The following ERC2 variants were observed in gnomAD, a reference collection of about 807,000 sequenced individuals.
ERC2 encodes ERC protein 2.
A neutral mutation model predicts 114.8 loss-of-function variants in ERC2; 42 were observed. The observed-to-expected ratio is 0.37, with a 90% confidence interval of 0.29 to 0.47. The LOEUF is 0.47. Among genes scored for constraint, ERC2 ranks in the 20% least tolerant of loss-of-function variants. The pLI is 0.99. For missense variants in ERC2, 939 were observed against 1,150.7 expected (o/e 0.82, Z 2.66); for synonymous variants, 454 against 425.5 (o/e 1.07, Z -0.82).
intron 3 of ERC2, among the ~76,000 whole-genome samples, chr3:56,257,114 A>G (rs2052573390): frequency 6.6e-6 from 1 of 152,250 alleles, no homozygotes; most frequent in Admixed American, 6.5e-5. Flanking sequence ...TGTATGTAAA[A>G]CCACTGGAAT....
intron 7 of ERC2, among the ~76,000 whole-genome samples, chr3:56,056,082 C>T (rs1427498311): frequency 6.6e-6 from 1 of 152,210 alleles, no homozygotes. Flanking sequence ...AAATTCATCT[C>T]TGGTATGTAA....
chr3:55,713,742 T>C lies in ERC2; in HGVS notation c.2713-14230A>G, dbSNP rs565937671. Among the ~76,000 whole-genome samples the C allele has an allele frequency of 8.5e-5, 13 of 152,288 alleles. No homozygotes were observed. In the South Asian group the frequency reaches 2.5e-3, roughly 29 times the overall value. On this transcript the variant is annotated intron_variant, in intron 15 of 17. Coordinates refer to ENST00000288221, the MANE Select transcript of ERC2 (RefSeq NM_015576.3). Reference sequence around the variant, plus strand: ...CCTAGCTCCTCTGGCAACCTCCCTATAGAGGTGACAGGATTCCCTAATCAA... The same window carrying C: ...CCTAGCTCCTCTGGCAACCTCCCTACAGAGGTGACAGGATTCCCTAATCAA...
Position 55,625,354 on chromosome 3 carries a change from G to A in ERC2, c.*39+58440C>T, listed in dbSNP as rs139207785. 9.3e-4 allele frequency among the ~76,000 whole-genome samples: 124 copies of A among 133,532 alleles called. 2 individuals carry two copies. The highest frequency in any genetic ancestry group is 7.9e-3 in the Admixed American group (98 of 12,350). The allele number at this position is 133,532 out of a possible 152,430, so 87.6% of individuals were successfully genotyped here. ...TGCACTCAAGTATGGGTGGCACAGTGAGACTCCGACTCAAAAAAAGAAAAA... is the reference window on the plus strand; with the variant it reads ...TGCACTCAAGTATGGGTGGCACAGTAAGACTCCGACTCAAAAAAAGAAAAA... On this transcript the variant is annotated intron_variant, in intron 17 of 17. Transcript: ENST00000288221.
intron 3 of ERC2, among the ~76,000 whole-genome samples, chr3:56,259,575 TTTG>T (rs2052769008): frequency 6.6e-6 from 1 of 152,072 alleles, no homozygotes; most frequent in Non-Finnish European, 1.5e-5. Context: ...TAGAATAAGT[TTTG>T]ATATAATATC....
chr3:56,066,152 C>T (rs1014624554), intron 7 of ERC2, among the ~76,000 whole-genome samples: 8 of 152,210 alleles, frequency 5.3e-5, no homozygotes, highest in Non-Finnish European at 1.2e-4. Context: ...AACTAATTTA[C>T]ATTCCCATCA....
At chr3:56,252,069 G>A (rs2052197470) in intron 3 of ERC2, among the ~76,000 whole-genome samples, 1 of 152,120 alleles carries the variant, frequency 6.6e-6, no homozygotes, top group African/African-American at 2.4e-5. Context: ...GAAAGCAGGA[G>A]GGAGGCTGTA....
chr3:56,367,976 G>A (rs1325437629), intron 2 of ERC2, among the ~76,000 whole-genome samples: 2 of 146,512 alleles, frequency 1.4e-5, no homozygotes, highest in African/African-American at 5.0e-5. Flanking sequence ...AGTGTAAAAG[G>A]TAGGACAAAT....
At chr3:56,393,086 C>G (rs1236532234) in intron 2 of ERC2, among the ~76,000 whole-genome samples, 2 of 152,176 alleles carry the variant, frequency 1.3e-5, no homozygotes, top group Non-Finnish European at 2.9e-5. Context: ...CTCCAGTCAT[C>G]CTTTATATCA....
chr3:55,918,079 T>C lies in ERC2; in HGVS notation c.2404-29530A>G, dbSNP rs546602020. The stretch of plus-strand genomic sequence containing the variant: ...CCTCAGAGTCCCAGTATATCTTCTA[T>C]ATCTAGATATCATATAGAGATAAGA... On this transcript the variant is annotated intron_variant, in intron 13 of 17. Transcript: ENST00000288221. Among the ~76,000 whole-genome samples, 3 of 152,190 alleles carry C rather than the reference T, an allele frequency of 2.0e-5. No homozygotes were observed. In the South Asian group the frequency reaches 6.2e-4, roughly 32 times the overall value.
intron 3 of ERC2, among the ~76,000 whole-genome samples, chr3:56,221,780 T>C (rs2049930720): frequency 6.6e-6 from 1 of 152,022 alleles, no homozygotes; most frequent in Non-Finnish European, 1.5e-5. Flanking sequence ...AGTGGGCGCC[T>C]GTAGTCCCAG....
chr3:56,119,301 T>C (rs764568001), intron 6 of ERC2, among the ~76,000 whole-genome samples: 1 of 152,218 alleles, frequency 6.6e-6, no homozygotes. Flanking sequence ...AACAGCACTT[T>C]TGCATTTCTC....
At chr3:56,262,228 G>T (rs2150265327) in intron 3 of ERC2, among the ~76,000 whole-genome samples, 1 of 152,226 alleles carries the variant, frequency 6.6e-6, no homozygotes, top group Admixed American at 6.5e-5. Flanking sequence ...GTCTCCTCCT[G>T]CTGGCCCCTG....
chr3:56,257,103 ATG>A, intron 3 of ERC2, among the ~76,000 whole-genome samples: 1 of 152,184 alleles, frequency 6.6e-6, no homozygotes, highest in Non-Finnish European at 1.5e-5. Flanking sequence ...AAATGAGATA[ATG>A]TATGTAAAAC....
chr3:55,774,959 C>T (rs1023024370), intron 14 of ERC2, among the ~76,000 whole-genome samples: 4 of 152,194 alleles, frequency 2.6e-5, no homozygotes, highest in African/African-American at 7.2e-5. Context: ...TCACTGCTTA[C>T]AACAACACTG....
intron 3 of ERC2, among the ~76,000 whole-genome samples, chr3:56,286,728 C>T (rs932706225): frequency 2.0e-5 from 3 of 151,412 alleles, no homozygotes; most frequent in Non-Finnish European, 4.4e-5. Context: ...CAAATGTAAT[C>T]ATTTAAAAAG....
chr3:55,630,713 G>A (rs1186648737), intron 17 of ERC2, among the ~76,000 whole-genome samples: 1 of 152,174 alleles, frequency 6.6e-6, no homozygotes, highest in Non-Finnish European at 1.5e-5. Context: ...AACTTGGATA[G>A]GCCCAAATTC....
chr3:56,420,043 CTT>C (rs2061327533), intron 2 of ERC2, among the ~76,000 whole-genome samples: 1 of 152,060 alleles, frequency 6.6e-6, no homozygotes, highest in Non-Finnish European at 1.5e-5. Context: ...TCCTTGGAAA[CTT>C]TTATATTATT....
intron 17 of ERC2, among the ~76,000 whole-genome samples, chr3:55,679,316 T>C (rs1382829248): frequency 3.3e-5 from 5 of 152,182 alleles, no homozygotes; most frequent in Non-Finnish European, 7.4e-5. Flanking sequence ...TTGGCATGGA[T>C]ACCTCCTGAC....
chr3:56,438,695 A>G (rs2062145058), intron 1 of ERC2, among the ~76,000 whole-genome samples: 1 of 152,186 alleles, frequency 6.6e-6, no homozygotes, highest in South Asian at 2.1e-4. Flanking sequence ...AAGTGATGAA[A>G]TCTAACTTGT....
Sources: allele counts gnomAD v4.1 joint callset (sites outside exome capture counted in the v4.1 genomes callset), GRCh38; gene constraint gnomAD v4.1.1; transcripts MANE v1.5; gene names NCBI Gene and HGNC (gene_info 2026-07-23, HGNC 2026-07-21).